The following LMNB1 variants were observed in gnomAD, a reference collection of about 807,000 sequenced individuals.
LMNB1 encodes the protein lamin-B1.
LMNB1 carries 23 observed loss-of-function variants against 67.1 expected under a neutral mutation model. The observed-to-expected ratio is 0.34, with a 90% CI of 0.25 to 0.49. The LOEUF is 0.49. Among genes scored for constraint, LMNB1 ranks in the 20% least tolerant of loss-of-function variants. The pLI is 0.99. For missense variants in LMNB1, 634 were observed against 746.5 expected (o/e 0.85, Z 1.76); for synonymous variants, 281 against 282.9 (o/e 0.99, Z 0.07).
chr5:126,787,546 A>ATATATTT, intron 1 of LMNB1, among the ~76,000 whole-genome samples: 3 of 65,574 alleles, frequency 4.6e-5, no homozygotes, highest in East Asian at 3.3e-4. Context: ...ATATATATAT[A>ATATATTT]TTTTTTTTTT....
upstream of LMNB1, chr5:126,777,011 A>C (rs984468751): frequency 6.5e-6 from 1 of 152,886 alleles, no homozygotes; most frequent in Non-Finnish European, 1.5e-5. Flanking sequence ...GGCCCATGGT[A>C]GTCACGTGGA....
chr5:126,810,607 A>G (rs1782356013), intron 4 of LMNB1, among the ~76,000 whole-genome samples: 1 of 152,224 alleles, frequency 6.6e-6, no homozygotes, highest in Non-Finnish European at 1.5e-5. Context: ...CCCATTGATC[A>G]TTCGTACTAT....
At chr5:126,786,112 C>CTTT (rs70997312) in intron 1 of LMNB1, among the ~76,000 whole-genome samples, 1,695 of 106,638 alleles carry the variant, frequency 0.016, 71 homozygotes, top group African/African-American at 0.054. Flanking sequence ...CAGACATTAT[C>CTTT]TTTTTTTTTT....
At chr5:126,793,485 T>C (rs1465401854) in intron 1 of LMNB1, among the ~76,000 whole-genome samples, 1 of 152,244 alleles carries the variant, frequency 6.6e-6, no homozygotes, top group Non-Finnish European at 1.5e-5. Context: ...CAGAATTTTA[T>C]TGGCACCGGA....
Position 126,777,412 on chromosome 5 carries a change from C to T in LMNB1, c.-97C>T, listed in dbSNP as rs1750486212. ...GCGTCTGGACGTGAGCGCAGGTCGC[C>T]GGTTTGTGCCTTCGGTCCCCGCTTC... On this transcript the variant is annotated 5_prime_UTR_variant, in exon 1 of 11. Coordinates refer to ENST00000261366, the MANE Select transcript of LMNB1 (RefSeq NM_005573.4). 2 of 1,231,214 alleles carry T rather than the reference C, an allele frequency of 1.6e-6. No individual in the cohort carries two copies. Among genetic ancestry groups the T allele is most frequent in the Non-Finnish European group, 2.0e-6 (2 of 983,746 alleles). 76.3% of individuals were successfully genotyped at this position (1,231,214 alleles called of 1,614,324 possible).
At chr5:126,829,354 C>T (rs1253734496) in intron 9 of LMNB1, among the ~76,000 whole-genome samples, 5 of 151,788 alleles carry the variant, frequency 3.3e-5, no homozygotes, top group Admixed American at 2.0e-4. Context: ...CCCAGAGGTA[C>T]GTCTTTTCTA....
chr5:126,788,435 G>C (rs1750865399), intron 1 of LMNB1, among the ~76,000 whole-genome samples: 1 of 152,066 alleles, frequency 6.6e-6, no homozygotes, highest in Non-Finnish European at 1.5e-5. Flanking sequence ...CCAGGAGTTT[G>C]AGACCAGCCT....
At position 126,784,271 on chromosome 5, in the gene LMNB1, C is replaced by T. The variant is rs112541857; in HGVS notation, c.359+6404C>T. ...CTGGAATTCCCAACCTTGGATGATCCGCCCGCCTTGGCCTCCCAAAGTGCG... is the reference window on the plus strand; with the variant it reads ...CTGGAATTCCCAACCTTGGATGATCTGCCCGCCTTGGCCTCCCAAAGTGCG... On this transcript the variant is annotated intron_variant, in intron 1 of 10. Transcript: ENST00000261366. 4.6e-5 allele frequency among the ~76,000 whole-genome samples: 7 copies of T among 151,908 alleles called. No individual in the cohort carries two copies. In the East Asian group the frequency reaches 1.2e-3, roughly 25 times the overall value.
chr5:126,834,053 A>G (rs943807009), intron 10 of LMNB1, among the ~76,000 whole-genome samples: 4 of 152,216 alleles, frequency 2.6e-5, no homozygotes, highest in African/African-American at 9.6e-5. Flanking sequence ...ACTGAACTCA[A>G]TCGAGCAGGC....
intron 5 of LMNB1, 131 bp downstream of exon 5, chr5:126,812,029 C>G: frequency 1.2e-6 from 1 of 814,652 alleles, no homozygotes; most frequent in African/African-American, 1.7e-5. Context: ...CCTGTGCTTT[C>G]GTCTTCACAG....
intron 5 of LMNB1, among the ~76,000 whole-genome samples, chr5:126,817,242 G>A (rs956232261): frequency 3.3e-5 from 5 of 152,098 alleles, no homozygotes; most frequent in Admixed American, 2.6e-4. Flanking sequence ...TGTTTTTTGA[G>A]CACTTTGTTG....
rs1224720579 is a variant in LMNB1 at position 126,797,268 on chromosome 5, G to GT, written c.360-7505dup. Among the ~76,000 whole-genome samples, 8 of 152,242 alleles carry GT rather than the reference G, an allele frequency of 5.3e-5. No homozygotes were observed. In the South Asian group the frequency reaches 1.0e-3, roughly 20 times the overall value. Reference sequence around the variant, plus strand: ...TTATTTTTTTCTGGTTGCAGTTAGAGTTTGGTTCTTCTGTAAAACATCTAA... The same window carrying GT: ...TTATTTTTTTCTGGTTGCAGTTAGAGTTTTGGTTCTTCTGTAAAACATCTAA... On this transcript the variant is annotated intron_variant, in intron 1 of 10. Transcript: ENST00000261366.
intron 5 of LMNB1, among the ~76,000 whole-genome samples, chr5:126,814,207 C>T (rs906533467): frequency 1.3e-5 from 2 of 152,170 alleles, no homozygotes; most frequent in African/African-American, 4.8e-5. Context: ...TATCAACTGT[C>T]TTAACAGGTA....
At chr5:126,803,405 C>T (rs1477387819) in intron 1 of LMNB1, among the ~76,000 whole-genome samples, 1 of 151,390 alleles carries the variant, frequency 6.6e-6, no homozygotes, top group African/African-American at 2.4e-5. Context: ...GCCTCCATGC[C>T]TGGATAATTT....
chr5:126,808,972 T>A (rs1463213597), intron 3 of LMNB1, among the ~76,000 whole-genome samples: 1 of 151,852 alleles, frequency 6.6e-6, no homozygotes, highest in Non-Finnish European at 1.5e-5. Flanking sequence ...GTCTCCCAGG[T>A]TCAAGTGATT....
At chr5:126,787,104 C>T (rs1040454604) in intron 1 of LMNB1, among the ~76,000 whole-genome samples, 1 of 151,994 alleles carries the variant, frequency 6.6e-6, no homozygotes. Flanking sequence ...ATACTCAGTC[C>T]CCATTATCAA....
intron 1 of LMNB1, among the ~76,000 whole-genome samples, chr5:126,799,406 G>A (rs1259729742): frequency 6.6e-6 from 1 of 152,204 alleles, no homozygotes; most frequent in Non-Finnish European, 1.5e-5. Context: ...GAGTTAAAGG[G>A]CTCACAAGGT....
intron 3 of LMNB1, among the ~76,000 whole-genome samples, chr5:126,808,988 A>G (rs1399935599): frequency 6.6e-6 from 1 of 151,744 alleles, no homozygotes; most frequent in Non-Finnish European, 1.5e-5. Context: ...TGATTCTCCC[A>G]TCTCAGCCTC....
chr5:126,781,603 AT>A (rs1750635416), intron 1 of LMNB1, among the ~76,000 whole-genome samples: 1 of 151,790 alleles, frequency 6.6e-6, no homozygotes, highest in Non-Finnish European at 1.5e-5. Context: ...CACCCGGCTA[AT>A]TTTGTATTTT....
Sources: allele counts gnomAD v4.1 joint callset (sites outside exome capture counted in the v4.1 genomes callset), GRCh38; gene constraint gnomAD v4.1.1; transcripts MANE v1.5; gene names NCBI Gene and HGNC (gene_info 2026-07-23, HGNC 2026-07-21).